The following ANKAR variants were observed in gnomAD, a reference collection of about 807,000 sequenced individuals.
The protein encoded by ANKAR is ankyrin and armadillo repeat-containing protein.
Under a neutral mutation model 146.2 loss-of-function variants are expected in ANKAR, and 136 were observed. The observed-to-expected ratio is 0.93, with a 90% CI of 0.81 to 1.07. The LOEUF is 1.07. Among genes scored for constraint, ANKAR ranks in the 50% least tolerant of loss-of-function variants. ANKAR has a pLI of 0.00. For synonymous variants in ANKAR, 500 were observed against 575.8 expected (o/e 0.87, Z 1.88); for missense variants, 1,567 against 1,679.9 (o/e 0.93, Z 1.18).
At chr2:189,758,720 T>C (rs1185329195) in intron 18 of ANKAR, among the ~76,000 whole-genome samples, 1 of 152,224 alleles carries the variant, frequency 6.6e-6, no homozygotes, top group African/African-American at 2.4e-5. Flanking sequence ...GCACTAGGCA[T>C]AGCATAGTGA....
At chr2:189,732,795 G>A (rs2042537330) in intron 16 of ANKAR, among the ~76,000 whole-genome samples, 2 of 151,750 alleles carry the variant, frequency 1.3e-5, no homozygotes, top group African/African-American at 4.8e-5. Flanking sequence ...ATATGGAAGG[G>A]ATACAACTAT....
intron 16 of ANKAR, among the ~76,000 whole-genome samples, chr2:189,730,863 T>A (rs1012114699): frequency 6.6e-6 from 1 of 152,232 alleles, no homozygotes; most frequent in Non-Finnish European, 1.5e-5. Context: ...GAAAATCTTA[T>A]GTTTTTACTC....
chr2:189,729,071 C>T (rs766515731), intron 15 of ANKAR, among the ~76,000 whole-genome samples: 2 of 152,082 alleles, frequency 1.3e-5, no homozygotes, highest in Non-Finnish European at 2.9e-5. Flanking sequence ...AGACAATAAG[C>T]CTTGACTATT....
chr2:189,728,222 G>T (rs1428281237), intron 13 of ANKAR, 45 bp from the exon 14 acceptor site: 2 of 1,541,954 alleles, frequency 1.3e-6, no homozygotes, highest in Non-Finnish European at 8.7e-7. Context: ...TTCCTAAAAT[G>T]TTCAATAAAT....
At chr2:189,694,551 A>T (rs1365228546) in intron 5 of ANKAR, among the ~76,000 whole-genome samples, 1 of 152,198 alleles carries the variant, frequency 6.6e-6, no homozygotes, top group Non-Finnish European at 1.5e-5. Flanking sequence ...TCTCTAGTCC[A>T]CTGCTGCAGT....
At chr2:189,761,586 C>T (rs2047071206), downstream of ANKAR, 1 of 1,610,120 alleles carries the variant, frequency 6.2e-7, no homozygotes, top group East Asian at 2.2e-5. Context: ...AATTCATAAA[C>T]TTTCCTTTTT....
intron 20 of ANKAR, among the ~76,000 whole-genome samples, chr2:189,741,755 A>C (rs538249716): frequency 1.3e-5 from 2 of 152,190 alleles, no homozygotes; most frequent in Non-Finnish European, 1.5e-5. Context: ...TCACAAAAGC[A>C]GTATAAAACG....
chr2:189,743,257 A>C lies in ANKAR; in HGVS notation c.3811-18A>C. ...GAACAAAGCCCACTGGTTAAGAAAG[A>C]ATTGTTTCTTCATTTAGGTTCGTGC... On this transcript the variant is annotated intron_variant, in intron 20 of 22. Coordinates refer to ENST00000684021, the MANE Select transcript of ANKAR (RefSeq NM_001378068.1). 3 of 1,607,522 alleles carry C rather than the reference A, an allele frequency of 1.9e-6. No individual in the cohort carries two copies. Among genetic ancestry groups the C allele is most frequent in the Non-Finnish European group, 2.6e-6 (3 of 1,175,866 alleles).
In ANKAR at chr2:189,727,990, C is replaced by G. The variant is rs1167839281; in HGVS notation, c.2770C>G (p.Gln924Glu). Residue 924 changes from glutamine to glutamate, a missense_variant, in exon 13 of 23, where the codon CAA becomes GAA. Physicochemically the swap from Gln to Glu is conservative, Grantham distance 29. Transcript: ENST00000684021. ...ALFKGKQISV[Q>E]MKGAMAVESL... Reference sequence around the variant, plus strand: ...TTTTAAAGGGAAACAAATTAGTGTCCAAATGAAAGGTGCAATGGCTGTGGA... The same window carrying G: ...TTTTAAAGGGAAACAAATTAGTGTCGAAATGAAAGGTGCAATGGCTGTGGA... 6.2e-7 allele frequency: 1 copy of G among 1,613,732 alleles called. No homozygotes were observed. Among genetic ancestry groups the G allele is most frequent in the East Asian group, 2.2e-5 (1 of 44,880 alleles).
chr2:189,716,245 A>C (rs1201878355), intron 10 of ANKAR, among the ~76,000 whole-genome samples: 1 of 152,232 alleles, frequency 6.6e-6, no homozygotes, highest in Non-Finnish European at 1.5e-5. Flanking sequence ...GCAAACTCTC[A>C]GGATACAAAA....
chr2:189,760,084 T>C (rs927922192), intron 18 of ANKAR, among the ~76,000 whole-genome samples: 7 of 152,348 alleles, frequency 4.6e-5, no homozygotes, highest in Admixed American at 1.3e-4. Flanking sequence ...GGTAAGGTTA[T>C]AGATCAACAG....
chr2:189,740,136 A>G (rs1182499265), intron 19 of ANKAR, among the ~76,000 whole-genome samples: 1 of 152,198 alleles, frequency 6.6e-6, no homozygotes, highest in Non-Finnish European at 1.5e-5. Context: ...GATTTCTGTT[A>G]CCAAGAATTC....
intron 20 of ANKAR, 54 bp downstream of exon 20, chr2:189,741,505 A>G (rs1258284223): frequency 7.4e-7 from 1 of 1,352,724 alleles, no homozygotes; most frequent in East Asian, 2.5e-5. Context: ...AATATAATTT[A>G]CCTCTCCCTC....
chr2:189,703,013 C>G (rs1290711846), intron 7 of ANKAR, among the ~76,000 whole-genome samples: 1 of 152,090 alleles, frequency 6.6e-6, no homozygotes, highest in African/African-American at 2.4e-5. Context: ...AGACATTGAC[C>G]AGTACTTTCC....
rs1278253447 is a variant in ANKAR, at chr2:189,728,796, C to G, written c.3168C>G (p.Ile1056Met). 1 of 1,613,896 alleles carries G rather than the reference C, an allele frequency of 6.2e-7. No homozygotes were observed. The highest frequency in any genetic ancestry group is 1.7e-5 in the Admixed American group (1 of 59,984). ...TIAEGTLLSV[I>M]RAVGSICIGV... Reference sequence around the variant, plus strand: ...CTGAAGGCACACTTCTCAGTGTCATCAGAGCAGTGGGATCCATTTGTATTG... The same window carrying G: ...CTGAAGGCACACTTCTCAGTGTCATGAGAGCAGTGGGATCCATTTGTATTG... The change falls in exon 15 of 23, where the codon ATC becomes ATG. Residue 1056 changes from isoleucine (I) to methionine (M), a missense_variant. By Grantham distance (10) the Ile-to-Met change is conservative. Transcript: ENST00000684021.
downstream of ANKAR, chr2:189,762,859 G>A (rs1262970548): frequency 1.0e-6 from 1 of 985,356 alleles, no homozygotes; most frequent in African/African-American, 1.7e-5. Context: ...GGCATGCTTA[G>A]TGAAGAAAAG....
At chr2:189,681,972 C>A (rs1295079050) in intron 2 of ANKAR, among the ~76,000 whole-genome samples, 2 of 152,198 alleles carry the variant, frequency 1.3e-5, no homozygotes, top group African/African-American at 4.8e-5. Context: ...ACTGCAACAG[C>A]ATTCTGACTG....
intron 9 of ANKAR, among the ~76,000 whole-genome samples, chr2:189,709,342 G>A (rs948618712): frequency 1.3e-5 from 2 of 152,176 alleles, no homozygotes; most frequent in African/African-American, 4.8e-5. Flanking sequence ...AAACACAGCA[G>A]TGTATATAAA....
At chr2:189,678,081 C>T (rs2034030907) in intron 2 of ANKAR, among the ~76,000 whole-genome samples, 1 of 152,154 alleles carries the variant, frequency 6.6e-6, no homozygotes, top group Non-Finnish European at 1.5e-5. Flanking sequence ...ATTCCCTTTT[C>T]ACCACATCCA....
Sources: allele counts gnomAD v4.1 joint callset (sites outside exome capture counted in the v4.1 genomes callset), GRCh38; gene constraint gnomAD v4.1.1; transcripts MANE v1.5; gene names NCBI Gene and HGNC (gene_info 2026-07-23, HGNC 2026-07-21).